PCDHGA8: variants seen among roughly 807,000 people sequenced by gnomAD.
PCDHGA8 encodes protocadherin gamma subfamily A, 8.
PCDHGA8 carries 45 observed loss-of-function variants against 59.2 expected under a neutral mutation model. The ratio of observed to expected loss-of-function variants is 0.76; its 90% CI spans 0.60 to 0.98. The LOEUF (loss-of-function observed/expected upper bound fraction) is 0.98. PCDHGA8 is among the 50% of genes least tolerant of loss of function. The pLI, the probability that PCDHGA8 is intolerant of heterozygous loss-of-function variation, is 0.00. For synonymous variants in PCDHGA8, 531 were observed against 519.0 expected (o/e 1.02, Z -0.32); for missense variants, 1,257 against 1,196.2 (o/e 1.05, Z -0.75).
At position 141,392,859 on chromosome 5, in the gene PCDHGA8, CT is replaced by C; in HGVS notation, c.47del (p.Leu16ArgfsTer62). The C allele has an allele frequency of 6.2e-7, 1 of 1,612,504 alleles. No homozygotes were observed. Among genetic ancestry groups the C allele is most frequent in the Non-Finnish European group, 8.5e-7 (1 of 1,179,406 alleles). On this transcript the variant is annotated frameshift_variant, in exon 1 of 4. Transcript: ENST00000398604. LOFTEE classifies it high-confidence loss of function. The stretch of plus-strand genomic sequence containing the variant: ...CCCCAGACGCGGCGAGCTGATCCTG[CT>C]GTGCGCGCTGCTGGGAACGCTGTGG... ...SRPRRGELIL[L>X]CALLGTLWEI...
intron 1 of PCDHGA8, chr5:141,402,918 A>G: frequency 6.4e-7 from 1 of 1,570,054 alleles, no homozygotes; most frequent in Non-Finnish European, 8.6e-7. Context: ...GCGCGCACAG[A>G]GATCCTTTTG....
Position 141,393,917 on chromosome 5 carries a change from C to A in PCDHGA8, c.1104C>A (p.Phe368Leu). The change falls in exon 1 of 4, where the codon TTC becomes TTA. Residue 368 changes from phenylalanine to leucine, a missense_variant. Phe to Leu is a conservative substitution (Grantham distance 22). Coordinates refer to ENST00000398604, the MANE Select transcript of PCDHGA8 (RefSeq NM_032088.2). ...CTCTTCCCGGGACAGTAATTGCCTT[C>A]TTGAGTGTGCATGACCAAGACTCTG... ...ENSLPGTVIA[F>L]LSVHDQDSGK... The A allele has an allele frequency of 6.2e-7, 1 of 1,613,924 alleles. No homozygotes were observed. Among genetic ancestry groups the A allele is most frequent in the Non-Finnish European group, 8.5e-7 (1 of 1,179,876 alleles).
At chr5:141,430,817 C>T (rs200369093) in intron 1 of PCDHGA8, 2 of 1,539,796 alleles carry the variant, frequency 1.3e-6, no homozygotes, top group Non-Finnish European at 1.7e-6. Flanking sequence ...GGGAATCCTC[C>T]TGGGGACTCT....
chr5:141,435,853 T>C (rs1034164236), intron 1 of PCDHGA8, among the ~76,000 whole-genome samples: 1 of 152,110 alleles, frequency 6.6e-6, no homozygotes, highest in African/African-American at 2.4e-5. Context: ...AAAGATACAA[T>C]AGTTAAAACC....
rs551396089 is a variant in PCDHGA8, at chr5:141,423,798, A to T, written c.2424+28561A>T. On this transcript the variant is annotated intron_variant, in intron 1 of 3. Coordinates refer to ENST00000398604, the MANE Select transcript of PCDHGA8 (RefSeq NM_032088.2). ...TATTTAGTTCATATATATTTAGAGC[A>T]ATACATGTGAGTTTTACTTTGCCTT... is the stretch of plus-strand genomic sequence containing the variant. 3.3e-6 allele frequency: 4 copies of T among 1,222,280 alleles called. No homozygotes were observed. The South Asian group carries it at 1.1e-4, about 33-fold the overall frequency. 75.7% of individuals were successfully genotyped at this position (1,222,280 alleles called of 1,614,324 possible). A position where few individuals can be genotyped will look rare whatever the true frequency, so the allele number is the denominator to read the frequency against.
In PCDHGA8 at chr5:141,393,995, A is replaced by C. The variant is rs201832611; in HGVS notation, c.1182A>C (p.Leu394Phe). Residue 394 changes from leucine (L) to phenylalanine (F), a missense_variant, in exon 1 of 4, where the codon TTA (leucine) becomes TTC (phenylalanine). Coordinates refer to ENST00000398604, the MANE Select transcript of PCDHGA8 (RefSeq NM_032088.2). ...CACGTGATAATTTACCTTTTAAATT[A>C]GAAAAGTCAATAGGTAATTATTATA... is the stretch of plus-strand genomic sequence containing the variant. ...CYTRDNLPFK[L>F]EKSIGNYYRL... The C allele has an allele frequency of 8.1e-6, 13 of 1,613,430 alleles. No homozygotes were observed. Among genetic ancestry groups the C allele is most frequent in the Non-Finnish European group, 1.1e-5 (13 of 1,179,634 alleles).
At chr5:141,504,517 T>C (rs1057166865) in intron 2 of PCDHGA8, among the ~76,000 whole-genome samples, 5 of 151,918 alleles carry the variant, frequency 3.3e-5, no homozygotes, top group African/African-American at 1.2e-4. Context: ...TCTCCTCTGA[T>C]ATATTTTATT....
At chr5:141,509,143 C>T (rs1022878562) in intron 3 of PCDHGA8, among the ~76,000 whole-genome samples, 9 of 152,138 alleles carry the variant, frequency 5.9e-5, no homozygotes, top group Non-Finnish European at 1.0e-4. Flanking sequence ...AGGCGCATCC[C>T]GGCTCTCCCC....
chr5:141,436,063 A>G (rs1406994228), intron 1 of PCDHGA8, among the ~76,000 whole-genome samples: 1 of 152,230 alleles, frequency 6.6e-6, no homozygotes, highest in Non-Finnish European at 1.5e-5. Flanking sequence ...ATAGAATTTA[A>G]TAAGTACAGT....
intron 1 of PCDHGA8, chr5:141,404,421 C>T (rs199749783): frequency 1.2e-6 from 2 of 1,613,574 alleles, no homozygotes; most frequent in Non-Finnish European, 1.7e-6. Flanking sequence ...GTTATTTACT[C>T]CTTGGCAGAG....
intron 1 of PCDHGA8, chr5:141,410,517 C>T: frequency 6.2e-7 from 1 of 1,613,926 alleles, no homozygotes; most frequent in Non-Finnish European, 8.5e-7. Flanking sequence ...TGCAGTGTGC[C>T]CCTACATTCC....
chr5:141,423,626 T>C (rs745796529), intron 1 of PCDHGA8: 1 of 1,606,498 alleles, frequency 6.2e-7, no homozygotes, highest in South Asian at 1.1e-5. Context: ...GACTCAGCTA[T>C]CATTTTAGGC....
intron 1 of PCDHGA8, chr5:141,433,049 C>A (rs1418118305): frequency 6.2e-7 from 1 of 1,614,110 alleles, no homozygotes; most frequent in Admixed American, 1.7e-5. Flanking sequence ...CACGGACTCG[C>A]GGAAGAGTCA....
At chr5:141,510,366 T>A (rs1452829030) in intron 3 of PCDHGA8, among the ~76,000 whole-genome samples, 1 of 140,062 alleles carries the variant, frequency 7.1e-6, no homozygotes, top group Non-Finnish European at 1.6e-5. Context: ...AACTACCGAA[T>A]CTCTACTCGT....
chr5:141,436,958 G>C (rs2097855854), intron 1 of PCDHGA8, among the ~76,000 whole-genome samples: 1 of 152,124 alleles, frequency 6.6e-6, no homozygotes, highest in Non-Finnish European at 1.5e-5. Context: ...ATCTAAACAA[G>C]GATCTTGTGA....
At chr5:141,433,085 G>A in intron 1 of PCDHGA8, 1 of 1,614,170 alleles carries the variant, frequency 6.2e-7, no homozygotes, top group Non-Finnish European at 8.5e-7. Flanking sequence ...GCCCAACTAT[G>A]CAGACATGCT....
At chr5:141,452,742 G>C (rs779371001) in intron 1 of PCDHGA8, among the ~76,000 whole-genome samples, 7 of 152,010 alleles carry the variant, frequency 4.6e-5, no homozygotes, top group Non-Finnish European at 8.8e-5. Context: ...GGAAGAGAGA[G>C]AAGGAAGAAG....
intron 1 of PCDHGA8, chr5:141,419,360 C>T (rs763624320): frequency 6.2e-7 from 1 of 1,613,818 alleles, no homozygotes; most frequent in South Asian, 1.1e-5. Flanking sequence ...GTCACGAACG[C>T]TGTCGTCCTA....
intron 1 of PCDHGA8, chr5:141,415,455 G>T: frequency 6.2e-7 from 1 of 1,614,186 alleles, no homozygotes; most frequent in Non-Finnish European, 8.5e-7. Context: ...ATTCCCACGA[G>T]GTCTCTCTCA....
Sources: gnomAD v4.1 joint callset for allele counts (sites outside exome capture counted in the v4.1 genomes callset) on GRCh38, gnomAD v4.1.1 for gene constraint, MANE v1.5 for transcripts, NCBI Gene and HGNC (gene_info 2026-07-23, HGNC 2026-07-21) for gene names.